FAT3: variants seen among roughly 807,000 people sequenced by gnomAD.
FAT3 encodes protocadherin Fat 3.
A neutral mutation model predicts 310.2 loss-of-function variants in FAT3; 95 were observed. That is an observed-to-expected ratio of 0.31 (90% CI 0.26 to 0.36). The LOEUF (loss-of-function observed/expected upper bound fraction) is 0.36, where lower values mean the gene tolerates loss of function less well. FAT3 is among the 10% of genes least tolerant of loss of function. The pLI is 1.00. For missense variants in FAT3, 5,408 were observed against 5,715.6 expected (o/e 0.95, Z 1.74); for synonymous variants, 2,314 against 2,192.9 (o/e 1.06, Z -1.54).
At chr11:92,309,856 G>T (rs573413208) in intron 1 of FAT3, among the ~76,000 whole-genome samples, 1 of 152,270 alleles carries the variant, frequency 6.6e-6, no homozygotes, top group South Asian at 2.1e-4. Flanking sequence ...TTGCTGCAAA[G>T]AATTGGTACA....
intron 1 of FAT3, among the ~76,000 whole-genome samples, chr11:92,329,584 C>CA (rs748423659): frequency 4.6e-5 from 7 of 151,234 alleles, no homozygotes; most frequent in Non-Finnish European, 1.0e-4. Context: ...TTCTGCTAGT[C>CA]ACGTGGAATA....
chr11:92,655,899 G>A (rs949488821), intron 3 of FAT3, among the ~76,000 whole-genome samples: 6 of 152,140 alleles, frequency 3.9e-5, no homozygotes, highest in Admixed American at 2.0e-4. Context: ...CCAGAATTAC[G>A]TCTTCATTTA....
rs368521714 is a variant in FAT3, at chr11:92,762,214, T to C, written c.3984+44T>C. 7.1e-6 allele frequency: 11 copies of C among 1,546,394 alleles called. No homozygotes were observed. In the African/African-American group the frequency reaches 1.2e-4, roughly 17 times the overall value. On this transcript the variant is annotated intron_variant, in intron 5 of 27. Transcript: ENST00000525166. ...CAGCAGCACAGCAGATGGGGGGAAGTGGTTATGTTCTTATTCAAGTATACT... is the reference window on the plus strand; with the variant it reads ...CAGCAGCACAGCAGATGGGGGGAAGCGGTTATGTTCTTATTCAAGTATACT...
intron 2 of FAT3, among the ~76,000 whole-genome samples, chr11:92,409,857 A>G (rs1950215120): frequency 6.6e-6 from 1 of 152,140 alleles, no homozygotes; most frequent in South Asian, 2.1e-4. Context: ...ACAGCATTCT[A>G]TACAAGTGGT....
At chr11:92,676,359 C>A (rs1280591359) in intron 3 of FAT3, among the ~76,000 whole-genome samples, 1 of 152,076 alleles carries the variant, frequency 6.6e-6, no homozygotes, top group Admixed American at 6.6e-5. Flanking sequence ...CCTCACCTAA[C>A]AAATAAGGAA....
At chr11:92,744,771 T>C (rs1281615662) in intron 4 of FAT3, among the ~76,000 whole-genome samples, 1 of 152,254 alleles carries the variant, frequency 6.6e-6, no homozygotes, top group East Asian at 1.9e-4. Context: ...TACAATACAC[T>C]GTATGGGCCA....
intron 22 of FAT3, 29 bp downstream of exon 22, chr11:92,867,238 C>G (rs1373963014): frequency 6.6e-7 from 1 of 1,519,056 alleles, no homozygotes; most frequent in South Asian, 1.2e-5. Context: ...TGGGCACTGG[C>G]CTGGGGGTTT....
chr11:92,582,732 C>G (rs111324433), intron 3 of FAT3, among the ~76,000 whole-genome samples: 72 of 152,114 alleles, frequency 4.7e-4, no homozygotes, highest in African/African-American at 1.6e-3. Context: ...TTGGGACAGC[C>G]TAGATTCTAT....
At chr11:92,608,126 C>T (rs547818780) in intron 3 of FAT3, among the ~76,000 whole-genome samples, 1 of 152,210 alleles carries the variant, frequency 6.6e-6, no homozygotes, top group Non-Finnish European at 1.5e-5. Flanking sequence ...TTATGATACA[C>T]GGATAAGTGT....
intron 27 of FAT3, among the ~76,000 whole-genome samples, chr11:92,890,171 C>T (rs1373898740): frequency 6.6e-6 from 1 of 152,190 alleles, no homozygotes; most frequent in Non-Finnish European, 1.5e-5. Flanking sequence ...TCTGGCTCTG[C>T]AATAGCATGT....
rs548946434 is a variant in FAT3 at position 92,226,171 on chromosome 11, C to T, written c.-18+997C>T. ...GCCTGGACCATCTTGGCGCGGCGCG[C>T]GGTGAGCGCGAGGATTCCGCCAGTG... On this transcript the variant is annotated intron_variant, in intron 1 of 27. Coordinates refer to ENST00000525166, the MANE Select transcript of FAT3 (RefSeq NM_001367949.2). Among the ~76,000 whole-genome samples, 199 of 152,038 alleles carry T rather than the reference C, an allele frequency of 1.3e-3. 1 individual carries two copies. The highest frequency in any genetic ancestry group is 2.4e-3 in the Non-Finnish European group (164 of 67,976).
chr11:92,729,178 A>G (rs1945095272), intron 4 of FAT3, among the ~76,000 whole-genome samples: 1 of 152,146 alleles, frequency 6.6e-6, no homozygotes, highest in Non-Finnish European at 1.5e-5. Context: ...GCACTTGATC[A>G]TCCTGGTAGA....
At chr11:92,296,400 A>G (rs1946849425) in intron 1 of FAT3, among the ~76,000 whole-genome samples, 1 of 152,092 alleles carries the variant, frequency 6.6e-6, no homozygotes, top group Non-Finnish European at 1.5e-5. Context: ...GCTAAATGAG[A>G]CAATGTACAC....
At chr11:92,373,752 A>G (rs1373059740) in intron 2 of FAT3, among the ~76,000 whole-genome samples, 1 of 147,526 alleles carries the variant, frequency 6.8e-6, no homozygotes, top group African/African-American at 2.5e-5. Flanking sequence ...ACCAGTGGAG[A>G]TATGTATGCA....
intron 1 of FAT3, among the ~76,000 whole-genome samples, chr11:92,343,874 C>T (rs1015817991): frequency 5.3e-5 from 8 of 152,134 alleles, no homozygotes; most frequent in Admixed American, 1.3e-4. Context: ...ACTTCCAAAG[C>T]TTTCCAGGCA....
rs148145180 is a variant in FAT3 at position 92,712,600 on chromosome 11, A to AT, written c.3669+15155_3669+15156insT. Among the ~76,000 whole-genome samples the AT allele has an allele frequency of 9.4e-3, 1,424 of 151,882 alleles. 19 individuals are homozygous for AT. Among genetic ancestry groups the AT allele is most frequent in the African/African-American group, 0.031 (1,268 of 41,348 alleles). The stretch of plus-strand genomic sequence containing the variant: ...TATTAGCTGAATTAAAATGAAAAAA[A>AT]ATATATTCTTACCTTCTCTTTTCAT... On this transcript the variant is annotated intron_variant, in intron 4 of 27. Transcript: ENST00000525166.
At chr11:92,433,194 C>A (rs549429375) in intron 2 of FAT3, among the ~76,000 whole-genome samples, 2 of 152,292 alleles carry the variant, frequency 1.3e-5, no homozygotes, top group Non-Finnish European at 2.9e-5. Flanking sequence ...ATCCACTGAA[C>A]AAGACCACTT....
chr11:92,261,721 C>T lies in FAT3; in HGVS notation c.-18+36547C>T, dbSNP rs367990256. ...GGTGGCATTGTAACATATATTTATT[C>T]TTGATTGCTCCAGAGGTTTATTTTA... On this transcript the variant is annotated intron_variant, in intron 1 of 27. Transcript: ENST00000525166. Among the ~76,000 whole-genome samples the T allele has an allele frequency of 3.3e-5, 5 of 152,084 alleles. No homozygotes were observed. The East Asian group carries it at 9.7e-4, about 29-fold the overall frequency.
chr11:92,589,441 C>T (rs1939317963), intron 3 of FAT3, among the ~76,000 whole-genome samples: 1 of 151,990 alleles, frequency 6.6e-6, no homozygotes, highest in Non-Finnish European at 1.5e-5. Flanking sequence ...AAAGCCACTC[C>T]ATATATATGT....
Sources: gnomAD v4.1 joint callset for allele counts (sites outside exome capture counted in the v4.1 genomes callset) on GRCh38, gnomAD v4.1.1 for gene constraint, MANE v1.5 for transcripts, NCBI Gene and HGNC (gene_info 2026-07-23, HGNC 2026-07-21) for gene names.